EMILIN2: variants seen among roughly 807,000 people sequenced by gnomAD.
EMILIN2 encodes EMILIN-2.
A neutral mutation model predicts 87.1 loss-of-function variants in EMILIN2; 71 were observed. That is an observed-to-expected ratio of 0.82 (90% CI 0.67 to 0.99). The LOEUF is 0.99. EMILIN2 is among the 50% of genes least tolerant of loss of function. EMILIN2 has a pLI of 0.00. For synonymous variants in EMILIN2, 581 were observed against 563.4 expected, an observed-to-expected ratio of 1.03 and a Z score of -0.44; for missense variants, 1,407 against 1,371.8, an observed-to-expected ratio of 1.03 and a Z score of -0.40.
rs1445778634 is a variant in EMILIN2 at position 2,880,887 on chromosome 18, T to C, written c.258-4077T>C. Among the ~76,000 whole-genome samples the C allele has an allele frequency of 1.3e-5, 2 of 152,232 alleles. No homozygotes were observed. Among genetic ancestry groups the C allele is most frequent in the Non-Finnish European group, 2.9e-5 (2 of 68,046 alleles). The stretch of plus-strand genomic sequence containing the variant: ...CACTTGACAACGACTTGGGGACTTT[T>C]AGAAAGGTACGAGCACCCTCCACCA... On this transcript the variant is annotated intron_variant, in intron 2 of 7. Transcript: ENST00000254528. The surrounding 1 kb of genome is among the most constrained non-coding windows in gnomAD (Gnocchi z 4.1).
intron 3 of EMILIN2, among the ~76,000 whole-genome samples, chr18:2,885,545 G>C (rs2076799249): frequency 6.6e-6 from 1 of 152,166 alleles, no homozygotes; most frequent in Admixed American, 6.5e-5. Context: ...TTGAGATGGA[G>C]TCTCGCTCTG....
chr18:2,859,173 C>T (rs895106493), intron 2 of EMILIN2, among the ~76,000 whole-genome samples: 2 of 152,118 alleles, frequency 1.3e-5, no homozygotes, highest in Admixed American at 6.5e-5. Flanking sequence ...GGCTAGTTTA[C>T]GTTCCCATCA....
At position 2,890,992 on chromosome 18, in the gene EMILIN2, G is replaced by A; in HGVS notation, c.865G>A (p.Gly289Ser). The A allele has an allele frequency of 6.2e-7, 1 of 1,614,184 alleles. No individual in the cohort carries two copies. The highest frequency in any genetic ancestry group is 1.1e-5 in the South Asian group (1 of 91,082). The change falls in exon 4 of 8, where the codon GGC (glycine) becomes AGC (serine). Residue 289 changes from glycine to serine, a missense_variant. Coordinates refer to ENST00000254528, the MANE Select transcript of EMILIN2 (RefSeq NM_032048.3). This position sits in a 1 kb window ranked among gnomAD's most constrained non-coding sequence, Gnocchi z 4.7. ...KLEELDGKVK[G>S]YEGQLRQLQE... Reference sequence around the variant, plus strand: ...GGAAGAGCTGGATGGAAAAGTGAAGGGCTACGAAGGGCAGCTCAGACAGCT... The same window carrying A: ...GGAAGAGCTGGATGGAAAAGTGAAGAGCTACGAAGGGCAGCTCAGACAGCT...
chr18:2,883,189 A>C (rs956913779), intron 2 of EMILIN2, among the ~76,000 whole-genome samples: 10 of 152,072 alleles, frequency 6.6e-5, no homozygotes, highest in African/African-American at 2.2e-4. Flanking sequence ...TGGATCCTAT[A>C]CCCAGAGTGT....
intron 7 of EMILIN2, among the ~76,000 whole-genome samples, chr18:2,911,318 G>T (rs2076939892): frequency 1.3e-5 from 2 of 152,210 alleles, no homozygotes; most frequent in Non-Finnish European, 2.9e-5. Context: ...TCCTGGAGTT[G>T]TGCATGTGCC....
At chr18:2,898,927 C>A (rs2076875539) in intron 4 of EMILIN2, among the ~76,000 whole-genome samples, 1 of 152,166 alleles carries the variant, frequency 6.6e-6, no homozygotes, top group Non-Finnish European at 1.5e-5. Flanking sequence ...TGACAACTCG[C>A]CCCCTTTATC....
rs1420916114 is a variant in EMILIN2, at chr18:2,894,651, G to C, written c.2359+2165G>C. Among the ~76,000 whole-genome samples the C allele has an allele frequency of 1.3e-5, 2 of 152,216 alleles. No individual in the cohort carries two copies. ...TTGGGGGGTGAATTCTTTTAAAAGA[G>C]AATGTGCCATACAAAACATTATCCC... On this transcript the variant is annotated intron_variant, in intron 4 of 7. Transcript: ENST00000254528. The surrounding 1 kb of genome is among the most constrained non-coding windows in gnomAD (Gnocchi z 5.0).
At chr18:2,853,766 G>A (rs2076613098) in intron 2 of EMILIN2, among the ~76,000 whole-genome samples, 1 of 152,214 alleles carries the variant, frequency 6.6e-6, no homozygotes, top group Admixed American at 6.5e-5. Flanking sequence ...AGCACCCTGA[G>A]GGTGCATGTG....
chr18:2,902,424 G>C (rs2076891834), intron 4 of EMILIN2, among the ~76,000 whole-genome samples: 1 of 152,182 alleles, frequency 6.6e-6, no homozygotes, highest in African/African-American at 2.4e-5. Flanking sequence ...TCCTGGTGCA[G>C]AGGCAGGACT....
intron 7 of EMILIN2, among the ~76,000 whole-genome samples, chr18:2,912,143 A>G (rs2076944098): frequency 7.0e-6 from 1 of 142,820 alleles, no homozygotes; most frequent in Non-Finnish European, 1.5e-5. Context: ...GGTTTAAGGG[A>G]TTCTCGTGCC....
chr18:2,882,560 C>T (rs901571809), intron 2 of EMILIN2, among the ~76,000 whole-genome samples: 1 of 152,126 alleles, frequency 6.6e-6, no homozygotes, highest in South Asian at 2.1e-4. Context: ...GCCTGGGCAA[C>T]ATAGTGAGAC....
At position 2,890,986 on chromosome 18, in the gene EMILIN2, G is replaced by A. The variant is rs769252119; in HGVS notation, c.859G>A (p.Val287Met). The A allele has an allele frequency of 6.2e-7, 1 of 1,614,224 alleles. No individual in the cohort carries two copies. The highest frequency in any genetic ancestry group is 1.3e-5 in the African/African-American group (1 of 75,066). ...SDKLEELDGK[V>M]KGYEGQLRQL... ...CAAGCTGGAAGAGCTGGATGGAAAA[G>A]TGAAGGGCTACGAAGGGCAGCTCAG... is the stretch of plus-strand genomic sequence containing the variant. The change falls in exon 4 of 8, where the codon GTG (valine) becomes ATG (methionine). Residue 287 changes from valine to methionine, a missense_variant. Val to Met is a conservative substitution (Grantham distance 21). Coordinates refer to ENST00000254528, the MANE Select transcript of EMILIN2 (RefSeq NM_032048.3). This position sits in a 1 kb window ranked among gnomAD's most constrained non-coding sequence, Gnocchi z 4.7.
At chr18:2,858,569 A>ATATATATATGTG (rs1305555851) in intron 2 of EMILIN2, among the ~76,000 whole-genome samples, 13 of 55,366 alleles carry the variant, frequency 2.3e-4, no homozygotes, top group African/African-American at 7.1e-4. Flanking sequence ...ATATATATAT[A>ATATATATATGTG]TGTGTGTGTG....
chr18:2,884,856 G>C lies in EMILIN2; in HGVS notation c.258-108G>C, dbSNP rs2076795173. 3 of 1,217,462 alleles carry C rather than the reference G, an allele frequency of 2.5e-6. No individual in the cohort carries two copies. In the East Asian group the frequency reaches 7.5e-5, roughly 31 times the overall value. 75.4% of individuals were successfully genotyped at this position (1,217,462 alleles called of 1,614,324 possible). A position where few individuals can be genotyped will look rare whatever the true frequency, so the allele number is the denominator to read the frequency against. ...AACATCCCCTCTGGGCCAGCCTGGA[G>C]AGCAGGCAGGGTCCTGCATGCCCTG... On this transcript the variant is annotated intron_variant, in intron 2 of 7. Transcript: ENST00000254528.
chr18:2,849,478 A>G (rs543875974), intron 2 of EMILIN2, among the ~76,000 whole-genome samples: 22 of 152,144 alleles, frequency 1.4e-4, no homozygotes, highest in Non-Finnish European at 2.8e-4. Context: ...TGCTTGGAAA[A>G]CCAAAGGATG....
chr18:2,865,166 C>T (rs1204996685), intron 2 of EMILIN2, among the ~76,000 whole-genome samples: 1 of 151,246 alleles, frequency 6.6e-6, no homozygotes, highest in Non-Finnish European at 1.5e-5. Context: ...GTTTGAACTT[C>T]CTCCTTTAGC....
At chr18:2,857,653 C>G (rs986144165) in intron 2 of EMILIN2, among the ~76,000 whole-genome samples, 1 of 152,152 alleles carries the variant, frequency 6.6e-6, no homozygotes, top group Non-Finnish European at 1.5e-5. Flanking sequence ...TCCATTAAAG[C>G]GACTCTGGCT....
At position 2,910,598 on chromosome 18, in the gene EMILIN2, C is replaced by A. The variant is rs375188782; in HGVS notation, c.2824+779C>A. Among the ~76,000 whole-genome samples, 16 of 152,260 alleles carry A rather than the reference C, an allele frequency of 1.1e-4. No homozygotes were observed. The East Asian group carries it at 2.1e-3, about 20-fold the overall frequency. On this transcript the variant is annotated intron_variant, in intron 7 of 7. Transcript: ENST00000254528. ...TCCTGACGTCTCTCTCTGCCCTCAG[C>A]AGTCACTGTTCTGCTCACGCACTGT... is the stretch of plus-strand genomic sequence containing the variant.
intron 4 of EMILIN2, among the ~76,000 whole-genome samples, chr18:2,897,996 C>G (rs1227564953): frequency 1.3e-5 from 2 of 152,126 alleles, no homozygotes; most frequent in African/African-American, 2.4e-5. Flanking sequence ...AAAGGAGGCT[C>G]GAGGCCCTTT....
Sources: gnomAD v4.1 joint callset for allele counts (sites outside exome capture counted in the v4.1 genomes callset) on GRCh38, gnomAD v4.1.1 for gene constraint, Gnocchi (gnomAD v3.1) non-coding constraint, MANE v1.5 for transcripts, NCBI Gene and HGNC (gene_info 2026-07-23, HGNC 2026-07-21) for gene names.